The following SNX27 variants were observed in gnomAD, a reference collection of about 807,000 sequenced individuals.
The protein encoded by SNX27 is sorting nexin-27.
A neutral mutation model predicts 71.6 loss-of-function variants in SNX27; 22 were observed. That is an observed-to-expected ratio of 0.31 (90% CI 0.22 to 0.44). The LOEUF (loss-of-function observed/expected upper bound fraction) is 0.44. SNX27 is among the 20% of genes least tolerant of loss of function. The probability of loss-of-function intolerance (pLI) is 1.00; values close to 1 mark genes in which losing one functional copy is unlikely to be tolerated. For missense variants in SNX27, 531 were observed against 698.6 expected (o/e 0.76, Z 2.70); for synonymous variants, 269 against 277.2 (o/e 0.97, Z 0.29).
intron 7 of SNX27, chr1:151,678,886 G>A (rs1670817482): frequency 6.6e-6 from 1 of 152,024 alleles, no homozygotes; most frequent in Non-Finnish European, 1.5e-5. Flanking sequence ...ACCAAGCCCA[G>A]CTAATTTTTG....
chr1:151,690,743 AG>A (rs1238625910), intron 8 of SNX27, among the ~76,000 whole-genome samples: 1 of 152,090 alleles, frequency 6.6e-6, no homozygotes, highest in Non-Finnish European at 1.5e-5. Context: ...CACCATGCCC[AG>A]CCAAATACTC....
chr1:151,646,904 A>ACACAC (rs1558050377), intron 2 of SNX27, among the ~76,000 whole-genome samples: 1 of 90,044 alleles, frequency 1.1e-5, no homozygotes, highest in Non-Finnish European at 2.5e-5. Flanking sequence ...CACACACACA[A>ACACAC]ACAAACACAC....
intron 7 of SNX27, among the ~76,000 whole-genome samples, chr1:151,680,769 GTTTA>G (rs951117568): frequency 1.3e-5 from 2 of 152,186 alleles, no homozygotes; most frequent in African/African-American, 4.8e-5. Flanking sequence ...GACCAGTATT[GTTTA>G]TTTATTTCCC....
chr1:151,643,791 G>A (rs1668899692), intron 2 of SNX27, among the ~76,000 whole-genome samples: 1 of 152,026 alleles, frequency 6.6e-6, no homozygotes, highest in Non-Finnish European at 1.5e-5. Context: ...CTCCCGAGTA[G>A]TTGTGATTAC....
chr1:151,637,162 G>T (rs11584724), intron 1 of SNX27, among the ~76,000 whole-genome samples: 11,364 of 36,312 alleles, frequency 0.31, 1,499 homozygotes, highest in Non-Finnish European at 0.47. Flanking sequence ...CGTTTTTTTT[G>T]TTTTTTTGTT....
At chr1:151,665,882 G>A (rs1670167915) in intron 5 of SNX27, 51 bp from the exon 6 acceptor site, 2 of 1,470,794 alleles carry the variant, frequency 1.4e-6, no homozygotes, top group Non-Finnish European at 9.4e-7. Flanking sequence ...TTTTCCTACA[G>A]CATTGTCTGA....
chr1:151,652,191 G>C (rs1243063360), intron 2 of SNX27, among the ~76,000 whole-genome samples: 1 of 142,874 alleles, frequency 7.0e-6, no homozygotes, highest in African/African-American at 2.6e-5. Context: ...GAAAGAGAGG[G>C]AGAGGGAGAC....
chr1:151,664,138 T>C (rs889846827), intron 5 of SNX27, among the ~76,000 whole-genome samples: 7 of 147,490 alleles, frequency 4.7e-5, no homozygotes, highest in African/African-American at 1.7e-4. Context: ...ATATGTTACA[T>C]ATTAAACAAT....
chr1:151,687,829 T>A (rs1428393750), intron 8 of SNX27, among the ~76,000 whole-genome samples: 2 of 151,806 alleles, frequency 1.3e-5, no homozygotes, highest in Admixed American at 6.6e-5. Flanking sequence ...GCGCCTGTAG[T>A]CCCAGCTACT....
intron 1 of SNX27, among the ~76,000 whole-genome samples, chr1:151,617,662 T>C (rs1444587762): frequency 6.6e-6 from 1 of 152,206 alleles, no homozygotes; most frequent in East Asian, 1.9e-4. Context: ...GGGCAGGGAC[T>C]ACATCAAATA....
chr1:151,612,207 G>A lies in SNX27; in HGVS notation c.6G>A (p.Ala2=). 2.2e-6 allele frequency: 3 copies of A among 1,347,364 alleles called. No individual in the cohort carries two copies. Among genetic ancestry groups the A allele is most frequent in the Non-Finnish European group, 2.9e-6 (3 of 1,047,008 alleles). 83.5% of individuals were successfully genotyped at this position (1,347,364 alleles called of 1,614,324 possible). Residue 2 remains alanine, a synonymous_variant, in exon 1 of 12, where the codon GCG becomes GCA. Coordinates refer to ENST00000458013, the MANE Select transcript of SNX27 (RefSeq NM_001330723.2). This position sits in a 1 kb window ranked among gnomAD's most constrained non-coding sequence, Gnocchi z 5.2. ...ACGGCTCGCCTGCTCGCAAGATGGC[G>A]GACGAGGACGGGGAAGGGATTCATC... The part of the protein sequence containing the change: M[A]DEDGEGIHPS...
intron 1 of SNX27, among the ~76,000 whole-genome samples, chr1:151,626,228 C>T (rs1667933343): frequency 6.6e-6 from 1 of 150,806 alleles, no homozygotes; most frequent in Non-Finnish European, 1.5e-5. Context: ...TCTATAAAAC[C>T]TTGGAAATTT....
At chr1:151,657,287 C>T (rs1486423600) in intron 2 of SNX27, among the ~76,000 whole-genome samples, 1 of 152,114 alleles carries the variant, frequency 6.6e-6, no homozygotes, top group Admixed American at 6.5e-5. Flanking sequence ...AATCCTCCCA[C>T]CTTAGCCTCC....
chr1:151,674,248 A>G (rs1446677663), intron 7 of SNX27, among the ~76,000 whole-genome samples: 1 of 152,068 alleles, frequency 6.6e-6, no homozygotes, highest in Non-Finnish European at 1.5e-5. Context: ...AGGCTTGCAA[A>G]TACTCTCTTG....
chr1:151,654,540 ATCTTT>A (rs1399317851), intron 2 of SNX27, among the ~76,000 whole-genome samples: 1 of 152,040 alleles, frequency 6.6e-6, no homozygotes, highest in Non-Finnish European at 1.5e-5. Context: ...GAAGAAGTGG[ATCTTT>A]GCCTGTGCAC....
chr1:151,619,595 C>T (rs1374212349), intron 1 of SNX27, among the ~76,000 whole-genome samples: 3 of 152,072 alleles, frequency 2.0e-5, no homozygotes, highest in African/African-American at 2.4e-5. Context: ...GCCACCGTGC[C>T]GGGCCCACTC....
intron 4 of SNX27, chr1:151,661,291 A>T (rs1453224326): frequency 6.0e-6 from 1 of 166,822 alleles, no homozygotes; most frequent in Non-Finnish European, 1.3e-5. Flanking sequence ...AGCATCAAGC[A>T]TGTTGTAGGT....
chr1:151,629,762 A>G (rs1668129634), intron 1 of SNX27, among the ~76,000 whole-genome samples: 2 of 151,350 alleles, frequency 1.3e-5, no homozygotes. Context: ...TATTTTTGGT[A>G]GAGACGGGGT....
intron 3 of SNX27, 61 bp downstream of exon 3, chr1:151,658,488 C>G: frequency 1.4e-6 from 2 of 1,468,920 alleles, no homozygotes; most frequent in Non-Finnish European, 1.9e-6. Context: ...TATGCAACTT[C>G]TAAACTGCAT....
Sources: gnomAD v4.1 joint callset for allele counts (sites outside exome capture counted in the v4.1 genomes callset) on GRCh38, gnomAD v4.1.1 for gene constraint, Gnocchi (gnomAD v3.1) non-coding constraint, MANE v1.5 for transcripts, NCBI Gene and HGNC (gene_info 2026-07-23, HGNC 2026-07-21) for gene names.